Variants in CACNA2D1 observed in about 807,000 individuals in gnomAD.
CACNA2D1 encodes the protein calcium voltage-gated channel auxiliary subunit alpha2delta 1.
A neutral mutation model predicts 171.5 loss-of-function variants in CACNA2D1; 53 were observed. The observed-to-expected ratio is 0.31, with a 90% confidence interval of 0.25 to 0.39. The LOEUF is 0.39. CACNA2D1 is among the 10% of genes least tolerant of loss of function. The pLI is 1.00. For synonymous variants in CACNA2D1, 442 were observed against 443.1 expected (o/e 1.00, Z 0.03); for missense variants, 903 against 1,299.8 (o/e 0.69, Z 4.69).
intron 12 of CACNA2D1, chr7:82,028,356 G>C (rs1488702330): frequency 6.6e-6 from 1 of 151,782 alleles, no homozygotes; most frequent in Non-Finnish European, 1.5e-5. Flanking sequence ...ATTGCTCACT[G>C]ACAATGTAGG....
intron 6 of CACNA2D1, among the ~76,000 whole-genome samples, chr7:82,111,445 T>TATATATATATATATATA (rs370516065): frequency 2.0e-5 from 1 of 49,108 alleles, no homozygotes; most frequent in African/African-American, 7.4e-5. Context: ...TATATATATA[T>TATATATATATATATATA]TTTTTTTTTT....
At chr7:82,193,854 A>C (rs1161283442) in intron 3 of CACNA2D1, among the ~76,000 whole-genome samples, 1 of 152,070 alleles carries the variant, frequency 6.6e-6, no homozygotes, top group African/African-American at 2.4e-5. Context: ...ATAAAATCAA[A>C]GAACGTATTT....
chr7:82,089,231 A>C (rs1005134342), intron 6 of CACNA2D1, among the ~76,000 whole-genome samples: 3 of 152,144 alleles, frequency 2.0e-5, no homozygotes, highest in African/African-American at 7.2e-5. Flanking sequence ...TTAGAAGTAC[A>C]TGAGTGTTCA....
At chr7:82,029,207 G>T (rs1802336806) in intron 12 of CACNA2D1, 1 of 151,762 alleles carries the variant, frequency 6.6e-6, no homozygotes, top group Admixed American at 6.6e-5. Context: ...ACAAAGACTT[G>T]CTGAAGTCTT....
chr7:82,307,295 C>T (rs996693499), intron 3 of CACNA2D1, among the ~76,000 whole-genome samples: 1 of 151,842 alleles, frequency 6.6e-6, no homozygotes, highest in Non-Finnish European at 1.5e-5. Context: ...CTGGAATTTA[C>T]AGGTATGCGC....
intron 3 of CACNA2D1, among the ~76,000 whole-genome samples, chr7:82,288,748 T>C (rs554539274): frequency 6.6e-6 from 1 of 152,206 alleles, no homozygotes; most frequent in African/African-American, 2.4e-5. Context: ...TATGCTCCTA[T>C]GAGCATGCTG....
chr7:82,218,334 C>T (rs1801391350), intron 3 of CACNA2D1, among the ~76,000 whole-genome samples: 1 of 152,106 alleles, frequency 6.6e-6, no homozygotes, highest in Non-Finnish European at 1.5e-5. Context: ...TAAGGAGGCT[C>T]GCTCTCTTAT....
intron 1 of CACNA2D1, among the ~76,000 whole-genome samples, chr7:82,421,940 T>C (rs149609189): frequency 6.6e-6 from 1 of 152,324 alleles, no homozygotes; most frequent in Non-Finnish European, 1.5e-5. Flanking sequence ...CATCCATTTA[T>C]ATTCCTTAAA....
intron 3 of CACNA2D1, among the ~76,000 whole-genome samples, chr7:82,218,092 G>A (rs1381747539): frequency 2.0e-5 from 3 of 151,716 alleles, no homozygotes; most frequent in East Asian, 1.9e-4. Flanking sequence ...CCACCACCAC[G>A]CCCGGCTAAT....
chr7:82,395,213 A>C (rs902753813), intron 1 of CACNA2D1, among the ~76,000 whole-genome samples: 1 of 152,148 alleles, frequency 6.6e-6, no homozygotes, highest in African/African-American at 2.4e-5. Context: ...AAAAAACACA[A>C]AAAAACTCCA....
rs752599680 is a variant in CACNA2D1 at position 81,959,681 on chromosome 7, T to C, written c.3076+39A>G. ...TGACAAGATTCAAAATGCATTAAGATGGTTTTCCTTTCCAGATAGCTCTGA... is the reference window on the plus strand; with the variant it reads ...TGACAAGATTCAAAATGCATTAAGACGGTTTTCCTTTCCAGATAGCTCTGA... On this transcript the variant is annotated intron_variant, in intron 37 of 38. Coordinates refer to ENST00000356860, the MANE Select transcript of CACNA2D1 (RefSeq NM_000722.4). 22 of 1,582,280 alleles carry C rather than the reference T, an allele frequency of 1.4e-5. 1 individual carries two copies. In the Middle Eastern group the frequency reaches 3.2e-3, roughly 228 times the overall value.
rs547480383 is a variant in CACNA2D1, at chr7:82,424,383, G to A, written c.95+18982C>T. Among the ~76,000 whole-genome samples the A allele has an allele frequency of 5.9e-4, 90 of 152,256 alleles. 2 individuals carry two copies. The South Asian group carries it at 0.014, about 24-fold the overall frequency. ...TTTTCTTTGAAAAACAGAACTCATA[G>A]CTATTCACCTAAATCTACTCACTGA... is the stretch of plus-strand genomic sequence containing the variant. On this transcript the variant is annotated intron_variant, in intron 1 of 38. Transcript: ENST00000356860.
intron 3 of CACNA2D1, among the ~76,000 whole-genome samples, chr7:82,228,161 T>C (rs943208556): frequency 2.0e-5 from 3 of 152,184 alleles, no homozygotes; most frequent in Admixed American, 1.3e-4. Context: ...GCTAATCTTA[T>C]GAATGCTTTA....
chr7:82,149,065 C>T (rs6977195), intron 4 of CACNA2D1, among the ~76,000 whole-genome samples: 39,861 of 151,970 alleles, frequency 0.26, 5,595 homozygotes, highest in East Asian at 0.39. Context: ...GGTCAAGGAT[C>T]GGCTGCATTC....
In CACNA2D1 at chr7:82,386,525, G is replaced by A. The variant is rs141556490; in HGVS notation, c.96-36876C>T. Reference sequence around the variant, plus strand: ...ACTTTGGGAGATCACCAGAGGTCGGGAGTTCGAGACCAGCCTGACCAACAT... The same window carrying A: ...ACTTTGGGAGATCACCAGAGGTCGGAAGTTCGAGACCAGCCTGACCAACAT... On this transcript the variant is annotated intron_variant, in intron 1 of 38. Transcript: ENST00000356860. Among the ~76,000 whole-genome samples, 114 of 152,134 alleles carry A rather than the reference G, an allele frequency of 7.5e-4. 1 individual carries two copies. In the East Asian group the frequency reaches 0.021, roughly 27 times the overall value.
chr7:82,400,900 T>G (rs1355311263), intron 1 of CACNA2D1, among the ~76,000 whole-genome samples: 4 of 151,950 alleles, frequency 2.6e-5, no homozygotes, highest in African/African-American at 9.7e-5. Context: ...GTGAAGGACA[T>G]GAACAGACAC....
rs569020745 is a variant in CACNA2D1, at chr7:82,100,089, G to A, written c.527-15189C>T. Reference sequence around the variant, plus strand: ...AAAAATAAGAAAAATAGATTTCAAAGGAAAAAAAAATTTAGTTCTGATACA... The same window carrying A: ...AAAAATAAGAAAAATAGATTTCAAAAGAAAAAAAAATTTAGTTCTGATACA... On this transcript the variant is annotated intron_variant, in intron 6 of 38. Transcript: ENST00000356860. Among the ~76,000 whole-genome samples, 3 of 151,458 alleles carry A rather than the reference G, an allele frequency of 2.0e-5. No homozygotes were observed. The South Asian group carries it at 6.3e-4, about 32-fold the overall frequency.
chr7:82,107,905 T>A (rs1208682584), intron 6 of CACNA2D1, among the ~76,000 whole-genome samples: 2 of 152,140 alleles, frequency 1.3e-5, no homozygotes, highest in Non-Finnish European at 2.9e-5. Flanking sequence ...ATTGAGACAT[T>A]TTTATTGAGA....
chr7:82,323,840 G>A (rs75885940), intron 3 of CACNA2D1, among the ~76,000 whole-genome samples: 5,827 of 152,198 alleles, frequency 0.038, 136 homozygotes, highest in South Asian at 0.08. Context: ...ATTTCATTTA[G>A]AAGACAGAGC....
Sources: allele counts gnomAD v4.1 joint callset (sites outside exome capture counted in the v4.1 genomes callset), GRCh38; gene constraint gnomAD v4.1.1; transcripts MANE v1.5; gene names NCBI Gene and HGNC (gene_info 2026-07-23, HGNC 2026-07-21).